Variants in PAPSS1 observed in about 807,000 individuals in gnomAD.
PAPSS1 encodes the protein bifunctional 3'-phosphoadenosine 5'-phosphosulfate synthase 1.
Under a neutral mutation model 72.0 loss-of-function variants are expected in PAPSS1, and 50 were observed. That is an observed-to-expected ratio of 0.69 (90% confidence interval 0.55 to 0.88). The LOEUF is 0.88. Among genes scored for constraint, PAPSS1 ranks in the 40% least tolerant of loss-of-function variants. PAPSS1 has a pLI of 0.00. For synonymous variants in PAPSS1, 261 were observed against 263.6 expected (o/e 0.99, Z 0.09); for missense variants, 657 against 782.2 (o/e 0.84, Z 1.91).
chr4:107,615,812 C>A (rs929389916), intron 11 of PAPSS1, among the ~76,000 whole-genome samples: 1 of 152,104 alleles, frequency 6.6e-6, no homozygotes, highest in East Asian at 1.9e-4. Flanking sequence ...AGGGTGGGCC[C>A]CCTATGATGG....
chr4:107,688,422 C>T (rs1722842035), intron 3 of PAPSS1, among the ~76,000 whole-genome samples: 2 of 152,162 alleles, frequency 1.3e-5, no homozygotes, highest in African/African-American at 4.8e-5. Context: ...AGTCACTACA[C>T]TCCAGGCTGA....
chr4:107,709,347 C>G (rs1277612891), intron 1 of PAPSS1, among the ~76,000 whole-genome samples: 1 of 152,228 alleles, frequency 6.6e-6, no homozygotes, highest in Non-Finnish European at 1.5e-5. Context: ...CAACCTCCAT[C>G]TTGCCTTTAA....
At chr4:107,669,644 C>T (rs758607241) in intron 5 of PAPSS1, among the ~76,000 whole-genome samples, 4 of 152,156 alleles carry the variant, frequency 2.6e-5, no homozygotes, top group Non-Finnish European at 5.9e-5. Context: ...AATATGCGTG[C>T]TTTCATTGGG....
intron 9 of PAPSS1, among the ~76,000 whole-genome samples, chr4:107,650,849 G>GA (rs973075748): frequency 1.8e-4 from 27 of 147,908 alleles, no homozygotes; most frequent in East Asian, 3.9e-4. Flanking sequence ...AGAGAAGGGT[G>GA]AAAAAAAAAC....
chr4:107,695,191 T>C (rs1233299441), intron 2 of PAPSS1, among the ~76,000 whole-genome samples: 1 of 152,214 alleles, frequency 6.6e-6, no homozygotes, highest in East Asian at 1.9e-4. Flanking sequence ...GTAGTTCTCC[T>C]TGAAGAGGTC....
chr4:107,711,583 A>G (rs7673896), intron 1 of PAPSS1, among the ~76,000 whole-genome samples: 6,734 of 152,274 alleles, frequency 0.044, 494 homozygotes, highest in African/African-American at 0.15. Flanking sequence ...TCTTTCATCC[A>G]TCCTATCACC....
intron 1 of PAPSS1, among the ~76,000 whole-genome samples, chr4:107,706,624 A>C (rs1723345507): frequency 6.6e-6 from 1 of 152,120 alleles, no homozygotes; most frequent in African/African-American, 2.4e-5. Context: ...TTTCTTTTGA[A>C]TCAGCTACTG....
intron 2 of PAPSS1, among the ~76,000 whole-genome samples, chr4:107,694,616 G>A (rs1723020384): frequency 6.6e-6 from 1 of 152,082 alleles, no homozygotes; most frequent in South Asian, 2.1e-4. Context: ...TCTGGTGAGG[G>A]AAGAAAAAGA....
intron 1 of PAPSS1, among the ~76,000 whole-genome samples, chr4:107,702,870 C>T (rs1319150479): frequency 1.3e-5 from 2 of 152,146 alleles, no homozygotes; most frequent in African/African-American, 4.8e-5. Context: ...TCATTATACA[C>T]CTAGTAGTGG....
chr4:107,686,847 C>T (rs1163837363), intron 4 of PAPSS1, among the ~76,000 whole-genome samples, 192 bp downstream of exon 4: 1 of 152,150 alleles, frequency 6.6e-6, no homozygotes, highest in Non-Finnish European at 1.5e-5. Context: ...AAAGGATCAA[C>T]AAGACTCATT....
rs749972016 is a variant in PAPSS1, at chr4:107,701,300, A to C, written c.61-15T>G. ...CTCTGCATTCCCTAGAAAAAAAAGA[A>C]AAAAAAAATTCTAGTTTACATGAGT... On this transcript the variant is annotated splice_polypyrimidine_tract_variant and intron_variant, in intron 1 of 11. Transcript: ENST00000265174. The C allele has an allele frequency of 1.3e-6, 2 of 1,572,884 alleles. No homozygotes were observed. The highest frequency in any genetic ancestry group is 1.7e-6 in the Non-Finnish European group (2 of 1,148,416).
chr4:107,645,824 C>G (rs1349458969), intron 9 of PAPSS1, among the ~76,000 whole-genome samples: 1 of 152,100 alleles, frequency 6.6e-6, no homozygotes, highest in Non-Finnish European at 1.5e-5. Context: ...CATGCTGATC[C>G]CAGCTCGACT....
intron 6 of PAPSS1, among the ~76,000 whole-genome samples, chr4:107,659,075 T>G (rs1477517588): frequency 1.3e-5 from 2 of 152,234 alleles, no homozygotes; most frequent in Non-Finnish European, 2.9e-5. Context: ...ATGCAGTCTG[T>G]AAGCAACAAA....
chr4:107,672,453 C>T (rs574646931), intron 5 of PAPSS1, among the ~76,000 whole-genome samples: 6 of 152,282 alleles, frequency 3.9e-5, no homozygotes, highest in South Asian at 4.1e-4. Context: ...CCTATGCCCA[C>T]GGAGCCTCGC....
intron 5 of PAPSS1, among the ~76,000 whole-genome samples, chr4:107,678,721 G>C (rs1030607790): frequency 1.3e-5 from 2 of 152,132 alleles, no homozygotes; most frequent in African/African-American, 4.8e-5. Context: ...GCATGCCTAT[G>C]GCAGGTGCTC....
chr4:107,705,587 TAC>T (rs1404142355), intron 1 of PAPSS1, among the ~76,000 whole-genome samples: 1 of 152,250 alleles, frequency 6.6e-6, no homozygotes, highest in Non-Finnish European at 1.5e-5. Flanking sequence ...AACGAACTAA[TAC>T]AGACTGGCAT....
chr4:107,704,715 C>A (rs1002401563), intron 1 of PAPSS1, among the ~76,000 whole-genome samples: 2 of 152,094 alleles, frequency 1.3e-5, no homozygotes, highest in Non-Finnish European at 2.9e-5. Flanking sequence ...ACTTCAGAGG[C>A]CGAGGCAGGC....
intron 11 of PAPSS1, among the ~76,000 whole-genome samples, chr4:107,629,797 T>C (rs1301824306): frequency 6.6e-6 from 1 of 152,172 alleles, no homozygotes; most frequent in Non-Finnish European, 1.5e-5. Flanking sequence ...CAAAGAACAA[T>C]AACATCTACT....
intron 10 of PAPSS1, among the ~76,000 whole-genome samples, chr4:107,634,797 A>ATTTTTTT (rs3083966): frequency 3.1e-4 from 36 of 115,992 alleles, no homozygotes; most frequent in African/African-American, 1.0e-3. Context: ...TATTCTAGAC[A>ATTTTTTT]TTTTTTTTTT....
Sources: gnomAD v4.1 joint callset for allele counts (sites outside exome capture counted in the v4.1 genomes callset) on GRCh38, gnomAD v4.1.1 for gene constraint, MANE v1.5 for transcripts, NCBI Gene and HGNC (gene_info 2026-07-23, HGNC 2026-07-21) for gene names.